The following RAD51B variants were observed in gnomAD, a reference collection of about 807,000 sequenced individuals.
RAD51B encodes the protein RAD51 paralog B.
RAD51B carries 38 observed loss-of-function variants against 42.2 expected under a neutral mutation model. The ratio of observed to expected loss-of-function variants is 0.90; its 90% CI spans 0.70 to 1.18. RAD51B has a LOEUF of 1.18. Among genes scored for constraint, RAD51B ranks in the 50% most tolerant of loss-of-function variants. The pLI, the probability that RAD51B is intolerant of heterozygous loss-of-function variation, is 0.00. For synonymous variants in RAD51B, 154 were observed against 145.2 expected, an observed-to-expected ratio of 1.06 and a Z score of -0.43; for missense variants, 373 against 400.7, an observed-to-expected ratio of 0.93 and a Z score of 0.59.
intron 8 of RAD51B, among the ~76,000 whole-genome samples, chr14:68,397,674 G>A (rs1054126107): frequency 2.0e-5 from 3 of 151,458 alleles, no homozygotes; most frequent in Non-Finnish European, 3.0e-5. Flanking sequence ...GACACCCCTC[G>A]TGTGTGTGTG....
rs531300892 is a variant in RAD51B, at chr14:68,494,451, G to A, written c.1036+26201G>A. On this transcript the variant is annotated intron_variant, in intron 10 of 10. Transcript: ENST00000487270. ...CCGAGGCACTCTAACAGTCAGAGGT[G>A]TCTGTGGGCAATACTCCAAGCACCC... Among the ~76,000 whole-genome samples, 301 of 152,238 alleles carry A rather than the reference G, an allele frequency of 2.0e-3. 1 individual carries two copies. Among genetic ancestry groups the A allele is most frequent in the African/African-American group, 6.8e-3 (284 of 41,536 alleles).
At chr14:67,909,249 C>G (rs2043884553) in intron 7 of RAD51B, among the ~76,000 whole-genome samples, 1 of 152,022 alleles carries the variant, frequency 6.6e-6, no homozygotes, top group African/African-American at 2.4e-5. Flanking sequence ...GACTAACACT[C>G]TAGATGTGAG....
chr14:68,423,036 CTG>C (rs1369688902), intron 9 of RAD51B, among the ~76,000 whole-genome samples: 1 of 152,134 alleles, frequency 6.6e-6, no homozygotes, highest in Non-Finnish European at 1.5e-5. Flanking sequence ...CAGACAAAGA[CTG>C]TGTGTGCTTG....
At position 68,644,450 on chromosome 14, in the gene RAD51B, A is replaced by C. The variant is rs140806508; in HGVS notation, c.1037-6331A>C. ...GTGGCTTTCAAGCCCCCTGAGGCAC[A>C]CAGGACTTGGTAAGACCATCTAAGG... is the stretch of plus-strand genomic sequence containing the variant. On this transcript the variant is annotated intron_variant, in intron 10 of 11. Coordinates refer to the RAD51B transcript ENST00000488612. Among the ~76,000 whole-genome samples the C allele has an allele frequency of 2.2e-3, 334 of 152,322 alleles. 4 individuals carry two copies. The highest frequency in any genetic ancestry group is 0.01 in the South Asian group (50 of 4,826).
At chr14:68,177,533 C>T (rs775309495) in intron 7 of RAD51B, among the ~76,000 whole-genome samples, 3 of 152,084 alleles carry the variant, frequency 2.0e-5, no homozygotes, top group Non-Finnish European at 2.9e-5. Flanking sequence ...TATCTTTTCT[C>T]TCACTAGGCT....
chr14:68,237,681 G>T (rs1442872662), intron 7 of RAD51B, among the ~76,000 whole-genome samples: 1 of 150,656 alleles, frequency 6.6e-6, no homozygotes, highest in African/African-American at 2.4e-5. Context: ...AAATAATGCT[G>T]CTGTGAACAT....
At chr14:68,208,128 A>C (rs891339975) in intron 7 of RAD51B, among the ~76,000 whole-genome samples, 22 of 152,228 alleles carry the variant, frequency 1.4e-4, no homozygotes, top group African/African-American at 3.9e-4. Flanking sequence ...TTAAAAAAAA[A>C]AACAACATAT....
chr14:68,411,399 G>A, intron 8 of RAD51B, 25 bp from the exon 9 acceptor site: 1 of 1,596,384 alleles, frequency 6.3e-7, no homozygotes, highest in Non-Finnish European at 8.6e-7. Context: ...GCATCTGAAA[G>A]CGTGCTTTTA....
intron 8 of RAD51B, among the ~76,000 whole-genome samples, chr14:68,396,503 T>A (rs2083928021): frequency 3.3e-5 from 5 of 152,178 alleles, no homozygotes; most frequent in Non-Finnish European, 7.3e-5. Context: ...TAGTGAAACA[T>A]CCTAAGATAC....
intron 7 of RAD51B, among the ~76,000 whole-genome samples, chr14:68,254,461 C>T (rs1439977889): frequency 6.6e-6 from 1 of 152,110 alleles, no homozygotes; most frequent in Non-Finnish European, 1.5e-5. Context: ...GGCAAAAAAC[C>T]ACAGTAGTAT....
chr14:67,902,462 A>G lies in RAD51B; in HGVS notation c.756+15258A>G, dbSNP rs558789572. On this transcript the variant is annotated intron_variant, in intron 7 of 10. Coordinates refer to ENST00000471583, the MANE Select transcript of RAD51B (RefSeq NM_133510.4). ...ATGAATCAGAATTTTCTAAGCTCAG[A>G]TAATGCACTTAACTCAATTTGTTCA... 3.3e-5 allele frequency among the ~76,000 whole-genome samples: 5 copies of G among 152,318 alleles called. No individual in the cohort carries two copies. The East Asian group carries it at 9.6e-4, about 29-fold the overall frequency.
In RAD51B at chr14:68,086,206, C is replaced by T. The variant is rs1019135781; in HGVS notation, c.756+199002C>T. ...GGAAGTTTTTCCCCTGGAGTTGGGC[C>T]GCCCAGAGGCCGGGGCTCTCCAACG... On this transcript the variant is annotated intron_variant, in intron 7 of 10. Coordinates refer to ENST00000471583, the MANE Select transcript of RAD51B (RefSeq NM_133510.4). Among the ~76,000 whole-genome samples the T allele has an allele frequency of 7.2e-5, 11 of 152,238 alleles. No homozygotes were observed. The East Asian group carries it at 1.7e-3, about 24-fold the overall frequency.
chr14:67,983,017 A>G (rs2140275315), intron 7 of RAD51B, among the ~76,000 whole-genome samples: 1 of 152,236 alleles, frequency 6.6e-6, no homozygotes, highest in South Asian at 2.1e-4. Flanking sequence ...AGCTATTACC[A>G]CATCATTGCA....
intron 7 of RAD51B, among the ~76,000 whole-genome samples, chr14:68,045,997 G>A (rs920975774): frequency 6.6e-6 from 1 of 152,138 alleles, no homozygotes; most frequent in Non-Finnish European, 1.5e-5. Context: ...AGCAGCCACC[G>A]CTGCTGCCAC....
At chr14:68,029,830 T>A (rs2076013591) in intron 7 of RAD51B, among the ~76,000 whole-genome samples, 1 of 152,238 alleles carries the variant, frequency 6.6e-6, no homozygotes, top group Non-Finnish European at 1.5e-5. Flanking sequence ...TCTTGAATTG[T>A]GTTTCTTAAG....
chr14:67,891,216 G>A (rs2043209469), intron 7 of RAD51B, among the ~76,000 whole-genome samples: 1 of 152,090 alleles, frequency 6.6e-6, no homozygotes, highest in Non-Finnish European at 1.5e-5. Context: ...ATTTACAAAA[G>A]AGGTTTATGG....
At chr14:67,880,520 A>G (rs911359453) in intron 5 of RAD51B, among the ~76,000 whole-genome samples, 2 of 152,206 alleles carry the variant, frequency 1.3e-5, no homozygotes, top group Non-Finnish European at 2.9e-5. Context: ...ATAAAACTCT[A>G]TTGACAAAAA....
chr14:68,525,104 T>C (rs1886838633), intron 10 of RAD51B, among the ~76,000 whole-genome samples: 2 of 152,238 alleles, frequency 1.3e-5, no homozygotes, highest in South Asian at 4.1e-4. Flanking sequence ...AGGGTCCCAG[T>C]ATGTGGAAGA....
At chr14:68,644,287 C>T (rs1892522499) in intron 10 of RAD51B, among the ~76,000 whole-genome samples, 1 of 152,042 alleles carries the variant, frequency 6.6e-6, no homozygotes, top group Admixed American at 6.5e-5. Flanking sequence ...TGTGTAGGGC[C>T]ATGGTGTCTG....
Sources: gnomAD v4.1 joint callset for allele counts (sites outside exome capture counted in the v4.1 genomes callset) on GRCh38, gnomAD v4.1.1 for gene constraint, MANE v1.5 for transcripts, NCBI Gene and HGNC (gene_info 2026-07-23, HGNC 2026-07-21) for gene names.